Variants in PIH1D1 observed in about 807,000 individuals in gnomAD.
PIH1D1 encodes the protein PIH1 domain-containing protein 1.
PIH1D1 carries 28 observed loss-of-function variants against 38.5 expected under a neutral mutation model. The ratio of observed to expected loss-of-function variants is 0.73; its 90% CI spans 0.54 to 1.00. The LOEUF is 1.00. PIH1D1 is among the 50% of genes least tolerant of loss of function. PIH1D1 has a pLI of 0.00. For missense variants in PIH1D1, 343 were observed against 369.9 expected, an observed-to-expected ratio of 0.93 and a Z score of 0.60; for synonymous variants, 155 against 153.5, an observed-to-expected ratio of 1.01 and a Z score of -0.07.
chr19:49,446,887 A>G, intron 7 of PIH1D1, 137 bp downstream of exon 7: 1 of 1,070,628 alleles, frequency 9.3e-7, no homozygotes, highest in Admixed American at 2.0e-5. Context: ...CAGCACCAGA[A>G]GGTGGCCTGT....
At chr19:49,451,438 G>A (rs548357815) in intron 1 of PIH1D1, 47 bp downstream of exon 1, 104 of 1,609,592 alleles carry the variant, frequency 6.5e-5, no homozygotes, top group South Asian at 5.9e-4. Context: ...TGAGCACCCC[G>A]CCAAAATCCC....
rs1164863375 is a variant in PIH1D1, at chr19:49,448,012, G to C, written c.388C>G (p.Arg130Gly). The change falls in exon 4 of 9, where the codon CGG becomes GGG. Residue 130 changes from arginine to glycine, a missense_variant. By Grantham distance (125) the Arg-to-Gly change is moderately radical. Coordinates refer to ENST00000262265, the MANE Select transcript of PIH1D1 (RefSeq NM_017916.3). ...GCCCCGCCCCCAACCTGCATCCTCC[G>C]GTAGAAGTCGCTGTTGACAGCTACG... The part of the protein sequence containing the change: ...YDVAVNSDFY[R>G]RMQNSDFLRE... 1.2e-6 allele frequency: 2 copies of C among 1,614,060 alleles called. No individual in the cohort carries two copies. The highest frequency in any genetic ancestry group is 2.7e-5 in the African/African-American group (2 of 74,914).
In PIH1D1 at chr19:49,447,406, C is replaced by T. The variant is rs2079030472; in HGVS notation, c.543G>A (p.Ser181=). 6.2e-7 allele frequency: 1 copy of T among 1,613,330 alleles called. No individual in the cohort carries two copies. The highest frequency in any genetic ancestry group is 8.5e-7 in the Non-Finnish European group (1 of 1,179,976). ...MGSISQQNIR[S]EQRPRIQELG... is the part of the protein sequence containing the mutation. ...GCTCCTGGATCCGAGGACGCTGCTC[C>T]GAGCGGATGTTCTGCTGCGAGATGG... The change falls in exon 6 of 9, where the codon TCG becomes TCA. Residue 181 remains serine, a synonymous_variant. Coordinates refer to ENST00000262265, the MANE Select transcript of PIH1D1 (RefSeq NM_017916.3).
At chr19:49,446,763 C>G (rs777785971) in intron 7 of PIH1D1, 69 bp from the exon 8 acceptor site, 7 of 1,451,402 alleles carry the variant, frequency 4.8e-6, no homozygotes, top group Non-Finnish European at 5.6e-6. Flanking sequence ...GGCATGGTAG[C>G]CTCACACGCT....
At chr19:49,450,953 G>A in intron 1 of PIH1D1, 105 bp from the exon 2 acceptor site, 1 of 1,594,058 alleles carries the variant, frequency 6.3e-7, no homozygotes, top group Non-Finnish European at 8.5e-7. Context: ...TGGATAACGC[G>A]AGAAATTAGA....
Position 49,447,051 on chromosome 19 carries a change from G to A in PIH1D1, c.660C>T (p.Leu220=), listed in dbSNP as rs1043224. 3 of 1,613,756 alleles carry A rather than the reference G, an allele frequency of 1.9e-6. No individual in the cohort carries two copies. Among genetic ancestry groups the A allele is most frequent in the Non-Finnish European group, 2.5e-6 (3 of 1,179,866 alleles). ...LNLWLEAPDL[L]LAEVDLPKLD... is the part of the protein sequence containing the mutation. The stretch of plus-strand genomic sequence containing the variant: ...GTTTGGGGAGGTCAACTTCGGCCAA[G>A]AGGAGGTCGGGGGCTTCCAGCCACA... Residue 220 remains leucine (L), a synonymous_variant, in exon 7 of 9, where the codon CTC becomes CTT. Coordinates refer to ENST00000262265, the MANE Select transcript of PIH1D1 (RefSeq NM_017916.3).
Position 49,448,034 on chromosome 19 carries a change from T to C in PIH1D1, c.366A>G (p.Val122=), listed in dbSNP as rs1161420481. Residue 122 remains valine (V), a synonymous_variant, in exon 4 of 9, where the codon GTA becomes GTG. Coordinates refer to ENST00000262265, the MANE Select transcript of PIH1D1 (RefSeq NM_017916.3). ...TCCGGTAGAAGTCGCTGTTGACAGC[T>C]ACGTCGTAGGCGGTACATCCCTGGC... ...AKGQGCTAYD[V]AVNSDFYRRM... is the part of the protein sequence containing the mutation. 6.2e-7 allele frequency: 1 copy of C among 1,614,070 alleles called. No individual in the cohort carries two copies. Among genetic ancestry groups the C allele is most frequent in the African/African-American group, 1.3e-5 (1 of 74,920 alleles).
intron 1 of PIH1D1, among the ~76,000 whole-genome samples, chr19:49,451,134 A>G (rs995885599): frequency 4.9e-5 from 7 of 143,296 alleles, no homozygotes; most frequent in Admixed American, 3.8e-4. Context: ...GGTTCACGCC[A>G]TTCTCCTGCC....
At chr19:49,447,594 T>C in intron 5 of PIH1D1, 127 bp from the exon 6 acceptor site, 1 of 1,218,682 alleles carries the variant, frequency 8.2e-7, no homozygotes, top group Non-Finnish European at 1.2e-6. Context: ...CCCGCAGGCT[T>C]GGCTCCAGGA....
intron 3 of PIH1D1, 87 bp downstream of exon 3, chr19:49,449,388 G>C (rs2079044135): frequency 1.6e-6 from 2 of 1,219,770 alleles, no homozygotes; most frequent in Non-Finnish European, 2.4e-6. Context: ...GGAGCTGAGG[G>C]AGGAGGGTCC....
rs548020283 is a variant in PIH1D1 at position 49,447,404 on chromosome 19, T to C, written c.545A>G (p.Glu182Gly). The C allele has an allele frequency of 1.2e-6, 2 of 1,613,332 alleles. No homozygotes were observed. The highest frequency in any genetic ancestry group is 2.2e-5 in the South Asian group (2 of 91,080). ...GSISQQNIRS[E>G]QRPRIQELGD... ...CAGCTCCTGGATCCGAGGACGCTGC[T>C]CCGAGCGGATGTTCTGCTGCGAGAT... is the stretch of plus-strand genomic sequence containing the variant. Residue 182 changes from glutamate (E) to glycine (G), a missense_variant, in exon 6 of 9, where the codon GAG becomes GGG. Coordinates refer to ENST00000262265, the MANE Select transcript of PIH1D1 (RefSeq NM_017916.3).
rs200072184 is a variant in PIH1D1 at position 49,447,447 on chromosome 19, G to A, written c.502C>T (p.Arg168Trp). 4.4e-5 allele frequency: 71 copies of A among 1,610,588 alleles called. No individual in the cohort carries two copies. Among genetic ancestry groups the A allele is most frequent in the Non-Finnish European group, 5.9e-5 (70 of 1,179,970 alleles). The part of the protein sequence containing the change: ...LNPEWRMMKN[R>W]PFMGSISQQN... ...TGCGAGATGGAGCCCATGAATGGCC[G>A]GTTCTTCATCATGCGCCATTCTGAG... is the stretch of plus-strand genomic sequence containing the variant. Residue 168 changes from arginine (R) to tryptophan (W), a missense_variant, in exon 6 of 9, where the codon CGG becomes TGG. Arg to Trp is a moderately radical substitution (Grantham distance 101). Coordinates refer to ENST00000262265, the MANE Select transcript of PIH1D1 (RefSeq NM_017916.3).
chr19:49,450,879 G>C (rs769384258), intron 1 of PIH1D1, 31 bp from the exon 2 acceptor site: 2 of 1,613,656 alleles, frequency 1.2e-6, no homozygotes, highest in East Asian at 2.2e-5. Context: ...TCCAGGCTCG[G>C]AGTCTGTGCC....
intron 5 of PIH1D1, 163 bp from the exon 6 acceptor site, chr19:49,447,630 TC>T: frequency 1.1e-6 from 1 of 937,058 alleles, no homozygotes; most frequent in Non-Finnish European, 1.6e-6. Context: ...GTCACGCCCC[TC>T]CCATGATATG....
rs767586614 is a variant in PIH1D1 at position 49,447,892 on chromosome 19, C to A, written c.416G>T (p.Arg139Leu). Residue 139 changes from arginine to leucine, a missense_variant, in exon 5 of 9, where the codon CGG becomes CTG. Physicochemically the swap from Arg to Leu is moderately radical, Grantham distance 102 (BLOSUM62 -2). Coordinates refer to ENST00000262265, the MANE Select transcript of PIH1D1 (RefSeq NM_017916.3). ...CCTGGCGATGGTGATCACGAGCTCC[C>A]GCAAGAAATCGCTGTTCTGGGGTGA... ...YRRMQNSDFL[R>L]ELVITIAREG... 12 of 1,614,074 alleles carry A rather than the reference C, an allele frequency of 7.4e-6. No homozygotes were observed. Among genetic ancestry groups the A allele is most frequent in the Non-Finnish European group, 9.3e-6 (11 of 1,180,000 alleles).
intron 3 of PIH1D1, chr19:49,449,201 C>T: frequency 1.6e-6 from 1 of 608,642 alleles, no homozygotes; most frequent in Non-Finnish European, 3.1e-6. Context: ...GGACTAAAGC[C>T]AGGAGATCCG....
chr19:49,451,642 C>G lies in PIH1D1; in HGVS notation c.-68G>C, dbSNP rs1390553651. ...TGGGAAACTTTGCCCAGGATCCGAA[C>G]CCCAGTGCCTGCTCTGGCCCTCAAT... On this transcript the variant is annotated 5_prime_UTR_variant, in exon 1 of 9. Coordinates refer to ENST00000262265, the MANE Select transcript of PIH1D1 (RefSeq NM_017916.3). 1.9e-6 allele frequency: 3 copies of G among 1,591,054 alleles called. No individual in the cohort carries two copies. In the African/African-American group the frequency reaches 4.0e-5, roughly 21 times the overall value.
rs1398424786 is a variant in PIH1D1 at position 49,451,014 on chromosome 19, C to T, written c.91-166G>A. 4.8e-6 allele frequency: 6 copies of T among 1,255,388 alleles called. No individual in the cohort carries two copies. The South Asian group carries it at 7.5e-5, about 16-fold the overall frequency. The allele number at this position is 1,255,388 out of a possible 1,614,324, so 77.8% of individuals were successfully genotyped here. Reference sequence around the variant, plus strand: ...AGAACTAGAAGAACAACCCCAACCCCATTCCCATTTCTTTTTTTTTTTTTT... The same window carrying T: ...AGAACTAGAAGAACAACCCCAACCCTATTCCCATTTCTTTTTTTTTTTTTT... On this transcript the variant is annotated intron_variant, in intron 1 of 8. Coordinates refer to ENST00000262265, the MANE Select transcript of PIH1D1 (RefSeq NM_017916.3).
At chr19:49,448,906 C>A in intron 3 of PIH1D1, 1 of 217,384 alleles carries the variant, frequency 4.6e-6, no homozygotes, top group African/African-American at 2.3e-5. Flanking sequence ...AAAGAGAGAG[C>A]CGCAGGCTGG....
Sources: gnomAD v4.1 joint callset for allele counts (sites outside exome capture counted in the v4.1 genomes callset) on GRCh38, gnomAD v4.1.1 for gene constraint, MANE v1.5 for transcripts, NCBI Gene and HGNC (gene_info 2026-07-23, HGNC 2026-07-21) for gene names.